Variants in PFKFB4 observed in about 807,000 individuals in gnomAD.
PFKFB4 encodes the protein 6-phosphofructo-2-kinase/fructose-2,6-bisphosphatase 4.
A neutral mutation model predicts 62.8 loss-of-function variants in PFKFB4; 42 were observed. The observed-to-expected ratio is 0.67, with a 90% CI of 0.52 to 0.86. PFKFB4 has a LOEUF of 0.86. Among genes scored for constraint, PFKFB4 ranks in the 40% least tolerant of loss-of-function variants. PFKFB4 has a pLI of 0.00. For missense variants in PFKFB4, 475 were observed against 627.2 expected (o/e 0.76, Z 2.59); for synonymous variants, 204 against 240.7 (o/e 0.85, Z 1.41).
intron 9 of PFKFB4, among the ~76,000 whole-genome samples, chr3:48,531,097 T>C (rs1011951346): frequency 1.3e-5 from 2 of 152,092 alleles, no homozygotes; most frequent in Non-Finnish European, 2.9e-5. Flanking sequence ...TTGGGCATGG[T>C]GGTTCATGCC....
At chr3:48,558,176 A>G (rs1276853301), upstream of PFKFB4, among the ~76,000 whole-genome samples, 2 of 152,016 alleles carry the variant, frequency 1.3e-5, no homozygotes, top group East Asian at 3.9e-4. Flanking sequence ...AACAAGGGAG[A>G]GATCCAGAAG....
chr3:48,534,613 G>C (rs1327877169), intron 9 of PFKFB4, among the ~76,000 whole-genome samples: 2 of 150,654 alleles, frequency 1.3e-5, no homozygotes, highest in Non-Finnish European at 2.9e-5. Context: ...TGAGGCTACA[G>C]TGAGCTATGA....
At position 48,520,024 on chromosome 3, in the gene PFKFB4, G is replaced by T. The variant is rs147226408; in HGVS notation, c.1351-218C>A. On this transcript the variant is annotated intron_variant, in intron 13 of 13. Transcript: ENST00000232375. ...ACAATAGAACAAAGGTGCGGTGGAG[G>T]ATGCCACCTCGTTTCCTGCTCCACT... Among the ~76,000 whole-genome samples, 917 of 152,284 alleles carry T rather than the reference G, an allele frequency of 6.0e-3. 5 individuals carry two copies. The highest frequency in any genetic ancestry group is 0.01 in the Middle Eastern group (3 of 294).
In PFKFB4 at chr3:48,556,315, C is replaced by A; in HGVS notation, c.97+366G>T. The A allele has an allele frequency of 1.9e-6, 1 of 513,980 alleles. No individual in the cohort carries two copies. Among genetic ancestry groups the A allele is most frequent in the South Asian group, 1.6e-5 (1 of 63,632 alleles). 31.8% of individuals were successfully genotyped at this position (513,980 alleles called of 1,614,324 possible). A position where few individuals can be genotyped will look rare whatever the true frequency, so the allele number is the denominator to read the frequency against. ...AACAACCCGGCCCACACTCCTTGGC[C>A]AGGAGAGAGGGAAGGGCCTGGGGTG... On this transcript the variant is annotated intron_variant, in intron 1 of 13. Transcript: ENST00000232375. This position sits in a 1 kb window ranked among gnomAD's most constrained non-coding sequence, Gnocchi z 5.7.
At chr3:48,537,889 G>A (rs2042675177) in intron 7 of PFKFB4, among the ~76,000 whole-genome samples, 1 of 152,068 alleles carries the variant, frequency 6.6e-6, no homozygotes, top group South Asian at 2.1e-4. Flanking sequence ...CCTTTTCACT[G>A]AATGCAATAT....
intron 4 of PFKFB4, among the ~76,000 whole-genome samples, chr3:48,541,978 C>G (rs998208126): frequency 1.4e-4 from 22 of 151,796 alleles, no homozygotes; most frequent in African/African-American, 5.1e-4. Flanking sequence ...AAATAAAAAA[C>G]AACAACACTC....
chr3:48,533,037 T>A (rs964685428), intron 9 of PFKFB4, among the ~76,000 whole-genome samples: 46 of 152,210 alleles, frequency 3.0e-4, no homozygotes, highest in African/African-American at 1.0e-3. Context: ...GTTATTGTTT[T>A]TCTTTTTAAA....
upstream of PFKFB4, among the ~76,000 whole-genome samples, chr3:48,557,176 C>T (rs2043349714): frequency 6.6e-6 from 1 of 152,268 alleles, no homozygotes; most frequent in African/African-American, 2.4e-5. Flanking sequence ...GGGCTCCGCC[C>T]TGGCGCTGCA....
At chr3:48,534,774 C>G (rs534504203) in intron 9 of PFKFB4, among the ~76,000 whole-genome samples, 1 of 150,308 alleles carries the variant, frequency 6.7e-6, no homozygotes, top group South Asian at 2.1e-4. Flanking sequence ...CAACAGACTT[C>G]TCTTAGAAAC....
At chr3:48,538,915 T>A (rs566502018) in intron 6 of PFKFB4, among the ~76,000 whole-genome samples, 1 of 152,280 alleles carries the variant, frequency 6.6e-6, no homozygotes, top group Non-Finnish European at 1.5e-5. Flanking sequence ...CAGACCCAGA[T>A]GCCCATTCCT....
At position 48,536,482 on chromosome 3, in the gene PFKFB4, G is replaced by T. The variant is rs199808531; in HGVS notation, c.633-19C>A. The T allele has an allele frequency of 4.7e-5, 75 of 1,587,248 alleles. No individual in the cohort carries two copies. In the African/African-American group the frequency reaches 7.5e-4, roughly 16 times the overall value. ...CAGGTCCCTGTCCAGAGAGAAAGTAGAAAGAGGCCTGTGAGCGTGGCCAGG... is the reference window on the plus strand; with the variant it reads ...CAGGTCCCTGTCCAGAGAGAAAGTATAAAGAGGCCTGTGAGCGTGGCCAGG... On this transcript the variant is annotated intron_variant, in intron 7 of 13. Coordinates refer to ENST00000232375, the MANE Select transcript of PFKFB4 (RefSeq NM_004567.4).
At chr3:48,550,954 G>A (rs1156363276) in intron 1 of PFKFB4, among the ~76,000 whole-genome samples, 1 of 152,226 alleles carries the variant, frequency 6.6e-6, no homozygotes, top group African/African-American at 2.4e-5. Context: ...GGATCAGGGA[G>A]GGAGGCATCT....
chr3:48,549,826 C>T (rs2043076234), intron 3 of PFKFB4, 38 bp downstream of exon 3: 5 of 1,308,654 alleles, frequency 3.8e-6, no homozygotes, highest in Non-Finnish European at 5.5e-6. Context: ...CTGGGTCCCC[C>T]AGCAACCTCT....
intron 2 of PFKFB4, 57 bp from the exon 3 acceptor site, chr3:48,550,017 C>T (rs1329966494): frequency 1.4e-6 from 2 of 1,460,078 alleles, no homozygotes. Context: ...CCAACCCTGA[C>T]CTTGACCCAA....
chr3:48,522,002 T>C lies in PFKFB4; in HGVS notation c.1334A>G (p.His445Arg), dbSNP rs1322609506. ...IFLNVAAVNTHRDRPQNVDIS... is the reference protein window; with the variant it reads ...IFLNVAAVNTRRDRPQNVDIS... ...CATTGCTACCTGAGGCCTGTCCCGG[T>C]GCGTGTTCACAGCAGCCACGTTCAG... Residue 445 changes from histidine to arginine, a missense_variant, in exon 13 of 14, where the codon CAC becomes CGC. His to Arg is a conservative substitution (Grantham distance 29). Coordinates refer to ENST00000232375, the MANE Select transcript of PFKFB4 (RefSeq NM_004567.4). 4 of 1,614,112 alleles carry C rather than the reference T, an allele frequency of 2.5e-6. No individual in the cohort carries two copies. The highest frequency in any genetic ancestry group is 3.4e-6 in the Non-Finnish European group (4 of 1,179,982).
chr3:48,559,349 T>A (rs2043396375), upstream of PFKFB4, among the ~76,000 whole-genome samples: 2 of 152,172 alleles, frequency 1.3e-5, no homozygotes, highest in Admixed American at 6.5e-5. Context: ...TCCCCTCCCA[T>A]GGCCCTGTTT....
intron 4 of PFKFB4, among the ~76,000 whole-genome samples, chr3:48,541,693 C>T (rs548224570): frequency 6.6e-6 from 1 of 152,318 alleles, no homozygotes; most frequent in South Asian, 2.1e-4. Flanking sequence ...GGGCCGGGTG[C>T]AGTGGCTTAT....
upstream of PFKFB4, chr3:48,559,904 A>ACT (rs2043406575): frequency 1.3e-5 from 1 of 74,406 alleles, no homozygotes; most frequent in Non-Finnish European, 2.5e-5. Flanking sequence ...CCCACCACAC[A>ACT]CACACACACA....
At chr3:48,538,291 A>G (rs2042688715) in intron 7 of PFKFB4, among the ~76,000 whole-genome samples, 1 of 152,106 alleles carries the variant, frequency 6.6e-6, no homozygotes, top group African/African-American at 2.4e-5. Context: ...TAAAATCCTG[A>G]CTCGCAGAGT....
Sources: allele counts gnomAD v4.1 joint callset (sites outside exome capture counted in the v4.1 genomes callset), GRCh38; gene constraint gnomAD v4.1.1; non-coding constraint Gnocchi (gnomAD v3.1); transcripts MANE v1.5; gene names NCBI Gene and HGNC (gene_info 2026-07-23, HGNC 2026-07-21).